UBE4B: variants seen among roughly 807,000 people sequenced by gnomAD.
UBE4B encodes ubiquitin conjugation factor E4 B.
UBE4B carries 27 observed loss-of-function variants against 148.1 expected under a neutral mutation model. The ratio of observed to expected loss-of-function variants is 0.18; its 90% CI spans 0.13 to 0.25. The LOEUF (loss-of-function observed/expected upper bound fraction) is 0.25. UBE4B is among the 10% of genes least tolerant of loss of function. The pLI is 1.00. For missense variants in UBE4B, 1,170 were observed against 1,662.4 expected (o/e 0.70, Z 5.15); for synonymous variants, 596 against 619.3 (o/e 0.96, Z 0.56).
At chr1:10,101,250 T>C in intron 4 of UBE4B, 55 bp downstream of exon 4, 1 of 1,559,830 alleles carries the variant, frequency 6.4e-7, no homozygotes, top group Non-Finnish European at 8.8e-7. Context: ...ACATTTCATG[T>C]CTTGTATCTG....
chr1:10,073,721 A>AAACAAC (rs199512231), intron 2 of UBE4B, among the ~76,000 whole-genome samples: 3 of 151,670 alleles, frequency 2.0e-5, no homozygotes, highest in Non-Finnish European at 2.9e-5. Flanking sequence ...TCTGTCTCAA[A>AAACAAC]AACAACAACA....
At chr1:10,051,406 A>T (rs1031986327) in intron 1 of UBE4B, among the ~76,000 whole-genome samples, 2 of 152,224 alleles carry the variant, frequency 1.3e-5, no homozygotes, top group Non-Finnish European at 2.9e-5. Flanking sequence ...TTGGAGTTTT[A>T]GTTGGTGTCC....
intron 16 of UBE4B, 35 bp from the exon 17 acceptor site, chr1:10,137,032 A>T (rs753959731): frequency 6.2e-7 from 1 of 1,612,540 alleles, no homozygotes; most frequent in Non-Finnish European, 8.5e-7. Flanking sequence ...GACATGTAAT[A>T]GATTTTATTT....
intron 1 of UBE4B, among the ~76,000 whole-genome samples, chr1:10,049,141 A>G (rs1441760029): frequency 6.6e-6 from 1 of 152,226 alleles, no homozygotes; most frequent in Non-Finnish European, 1.5e-5. Flanking sequence ...CAAATATTTC[A>G]GAGTAGGAGA....
At chr1:10,135,351 A>T (rs1645662617) in intron 16 of UBE4B, among the ~76,000 whole-genome samples, 165 bp downstream of exon 16, 2 of 152,180 alleles carry the variant, frequency 1.3e-5, no homozygotes, top group African/African-American at 4.8e-5. Flanking sequence ...CATACCTATA[A>T]TCCCAGCACT....
chr1:10,095,418 T>G, intron 2 of UBE4B, 43 bp from the exon 3 acceptor site: 1 of 1,608,796 alleles, frequency 6.2e-7, no homozygotes, highest in Non-Finnish European at 8.5e-7. Flanking sequence ...AACTTGAACA[T>G]TATTTCACAT....
Position 10,147,022 on chromosome 1 carries a change from A to G in UBE4B, c.2523A>G (p.Arg841=). 1 of 1,614,092 alleles carries G rather than the reference A, an allele frequency of 6.2e-7. No individual in the cohort carries two copies. Among genetic ancestry groups the G allele is most frequent in the Non-Finnish European group, 8.5e-7 (1 of 1,180,008 alleles). The change falls in exon 19 of 28, where the codon AGA becomes AGG. Residue 841 remains arginine, a synonymous_variant. Transcript: ENST00000343090. ...GCCTACTTGACGAGAGCTTCCTGAGAAGATGTCTGAATTTTTATGGCCTTC... is the reference window on the plus strand; with the variant it reads ...GCCTACTTGACGAGAGCTTCCTGAGGAGATGTCTGAATTTTTATGGCCTTC... The part of the protein sequence containing the change: ...DAGLLDESFL[R]RCLNFYGLLI...
At chr1:10,062,685 G>A (rs1644307866) in intron 1 of UBE4B, among the ~76,000 whole-genome samples, 1 of 152,200 alleles carries the variant, frequency 6.6e-6, no homozygotes, top group Admixed American at 6.5e-5. Context: ...GGCCAGGTGC[G>A]GTGGCTCACG....
intron 21 of UBE4B, among the ~76,000 whole-genome samples, chr1:10,155,880 C>T (rs1001896495): frequency 4.6e-5 from 7 of 151,988 alleles, no homozygotes; most frequent in Non-Finnish European, 7.4e-5. Flanking sequence ...AAAGATTATC[C>T]GGGTGTGGTG....
chr1:10,110,359 T>C (rs1224428425), intron 7 of UBE4B, among the ~76,000 whole-genome samples: 1 of 152,230 alleles, frequency 6.6e-6, no homozygotes, highest in African/African-American at 2.4e-5. Context: ...AACTGCTTTT[T>C]GCGCGAGTGG....
intron 2 of UBE4B, 134 bp from the exon 3 acceptor site, chr1:10,095,324 ATCT>A (rs1644913762): frequency 6.0e-6 from 6 of 994,792 alleles, no homozygotes; most frequent in South Asian, 1.7e-5. Flanking sequence ...TTTTTATATA[ATCT>A]TCTGATAGAA....
Position 10,175,613 on chromosome 1 carries a change from T to C in UBE4B, c.3526-3031T>C, listed in dbSNP as rs181031931. Among the ~76,000 whole-genome samples, 779 of 151,956 alleles carry C rather than the reference T, an allele frequency of 5.1e-3. 13 individuals are homozygous for C. Among genetic ancestry groups the C allele is most frequent in the African/African-American group, 0.018 (740 of 41,406 alleles). On this transcript the variant is annotated intron_variant, in intron 25 of 27. Coordinates refer to ENST00000343090, the MANE Select transcript of UBE4B (RefSeq NM_001105562.3). Reference sequence around the variant, plus strand: ...TTGCAGTGAGCCGAGATCGCGCCACTGCACTCCAGCCTGGGCGACAGAGCG... The same window carrying C: ...TTGCAGTGAGCCGAGATCGCGCCACCGCACTCCAGCCTGGGCGACAGAGCG...
intron 1 of UBE4B, among the ~76,000 whole-genome samples, chr1:10,039,537 C>A (rs569804546): frequency 6.6e-6 from 1 of 151,972 alleles, no homozygotes; most frequent in East Asian, 1.9e-4. Flanking sequence ...TCAAGTGATT[C>A]TCCTGCCTCA....
At chr1:10,121,514 C>T (rs1255959477) in intron 9 of UBE4B, among the ~76,000 whole-genome samples, 1 of 152,068 alleles carries the variant, frequency 6.6e-6, no homozygotes, top group Admixed American at 6.6e-5. Context: ...CTGCCTCAGC[C>T]TTCCAAGTAG....
At chr1:10,114,931 T>C (rs1184254180) in intron 7 of UBE4B, among the ~76,000 whole-genome samples, 4 of 152,120 alleles carry the variant, frequency 2.6e-5, no homozygotes, top group Admixed American at 1.3e-4. Flanking sequence ...TGCCCAGCCT[T>C]GTCATGACTC....
At chr1:10,114,219 T>C (rs962891635) in intron 7 of UBE4B, among the ~76,000 whole-genome samples, 4 of 152,178 alleles carry the variant, frequency 2.6e-5, no homozygotes, top group Non-Finnish European at 5.9e-5. Flanking sequence ...GCAAGAGCTG[T>C]TCATAGGAAA....
intron 2 of UBE4B, among the ~76,000 whole-genome samples, chr1:10,089,067 C>A (rs577602350): frequency 6.6e-6 from 1 of 152,006 alleles, no homozygotes. Flanking sequence ...AGTGCAGTGG[C>A]GCGATCTCAG....
chr1:10,100,148 C>G (rs1396554800), intron 3 of UBE4B, among the ~76,000 whole-genome samples: 4 of 152,008 alleles, frequency 2.6e-5, no homozygotes, highest in Admixed American at 2.6e-4. Flanking sequence ...CACCACCATG[C>G]CCGGCTAATT....
Position 10,137,047 on chromosome 1 carries a change from A to T in UBE4B, c.2225-20A>T. The T allele has an allele frequency of 6.2e-7, 1 of 1,613,592 alleles. No individual in the cohort carries two copies. Among genetic ancestry groups the T allele is most frequent in the Non-Finnish European group, 8.5e-7 (1 of 1,179,758 alleles). ...GACATGTAATAGATTTTATTTAGGG[A>T]ATGATGTTATTTTTCCTAGATGGCG... On this transcript the variant is annotated intron_variant, in intron 16 of 27. Coordinates refer to ENST00000343090, the MANE Select transcript of UBE4B (RefSeq NM_001105562.3).
Sources: allele counts gnomAD v4.1 joint callset (sites outside exome capture counted in the v4.1 genomes callset), GRCh38; gene constraint gnomAD v4.1.1; transcripts MANE v1.5; gene names NCBI Gene and HGNC (gene_info 2026-07-23, HGNC 2026-07-21).